CCDC102B: variants seen among roughly 807,000 people sequenced by gnomAD.
The protein encoded by CCDC102B is coiled-coil domain-containing protein 102B.
Under a neutral mutation model 57.4 loss-of-function variants are expected in CCDC102B, and 75 were observed. That is an observed-to-expected ratio of 1.31 (90% CI 1.08 to 1.58). CCDC102B has a LOEUF of 1.58. CCDC102B is among the 40% of genes most tolerant of loss of function. The pLI, the probability that CCDC102B is intolerant of heterozygous loss-of-function variation, is 0.00. For missense variants in CCDC102B, 636 were observed against 582.6 expected, an observed-to-expected ratio of 1.09 and a Z score of -0.94; for synonymous variants, 206 against 201.9, an observed-to-expected ratio of 1.02 and a Z score of -0.17.
chr18:68,981,172 T>C (rs1056197558), intron 6 of CCDC102B, among the ~76,000 whole-genome samples: 1 of 151,736 alleles, frequency 6.6e-6, no homozygotes, highest in Non-Finnish European at 1.5e-5. Context: ...AACTTACAGA[T>C]AGCAAACTAC....
upstream of CCDC102B, among the ~76,000 whole-genome samples, chr18:68,793,913 G>A (rs1233005248): frequency 6.6e-6 from 1 of 152,108 alleles, no homozygotes; most frequent in Non-Finnish European, 1.5e-5. Flanking sequence ...ATGTAACATT[G>A]GGTAAAGGTT....
At chr18:68,905,676 C>T (rs557912649) in intron 6 of CCDC102B, among the ~76,000 whole-genome samples, 5 of 151,904 alleles carry the variant, frequency 3.3e-5, no homozygotes, top group South Asian at 4.2e-4. Flanking sequence ...CCTCATTCCT[C>T]CCTCCCCTAA....
At chr18:68,852,456 T>G (rs1016811888) in intron 4 of CCDC102B, among the ~76,000 whole-genome samples, 5 of 152,154 alleles carry the variant, frequency 3.3e-5, no homozygotes, top group Non-Finnish European at 7.4e-5. Flanking sequence ...ATGCACAGCC[T>G]CTCATATACT....
At chr18:68,769,046 G>C (rs2034553581) in intron 2 of CCDC102B, among the ~76,000 whole-genome samples, 1 of 152,008 alleles carries the variant, frequency 6.6e-6, no homozygotes, top group Non-Finnish European at 1.5e-5. Context: ...CTGAGGTCAG[G>C]AGTTCAAGAC....
chr18:68,746,018 C>T (rs1468049397), intron 2 of CCDC102B, among the ~76,000 whole-genome samples: 3 of 152,184 alleles, frequency 2.0e-5, no homozygotes, highest in Non-Finnish European at 4.4e-5. Context: ...CTCATACACT[C>T]AGTCATACTA....
At chr18:68,833,194 A>G (rs1209525677) in intron 1 of CCDC102B, among the ~76,000 whole-genome samples, 1 of 152,082 alleles carries the variant, frequency 6.6e-6, no homozygotes, top group Non-Finnish European at 1.5e-5. Context: ...AACTGGGTTG[A>G]CCCCTTCTAA....
At position 68,715,238 on chromosome 18, in the gene CCDC102B, G is replaced by GC. The variant is rs199817898; in HGVS notation, c.-251dup. 9.8e-3 allele frequency: 13,179 copies of GC among 1,345,876 alleles called. 81 individuals carry two copies. Among genetic ancestry groups the GC allele is most frequent in the African/African-American group, 0.017 (1,117 of 65,326 alleles). The allele number at this position is 1,345,876 out of a possible 1,614,324, so 83.4% of individuals were successfully genotyped here. A position where few individuals can be genotyped will look rare whatever the true frequency, so the allele number is the denominator to read the frequency against. ...CTTAAGAATCCTTTGCGCTCTCGGT[G>GC]CCCCCCTCCACGCCCAGGAGCGTGG... On this transcript the variant is annotated 5_prime_UTR_variant, in exon 1 of 4. Coordinates refer to the CCDC102B transcript ENST00000578970.
chr18:69,024,643 A>G (rs1411213055), intron 7 of CCDC102B, among the ~76,000 whole-genome samples: 2 of 152,044 alleles, frequency 1.3e-5, no homozygotes, highest in Non-Finnish European at 2.9e-5. Context: ...TACGTGGGAT[A>G]AAAATGAGTA....
At chr18:68,808,707 T>A (rs938614083) in intron 1 of CCDC102B, among the ~76,000 whole-genome samples, 1 of 152,128 alleles carries the variant, frequency 6.6e-6, no homozygotes, top group Non-Finnish European at 1.5e-5. Context: ...CTCGATCTCC[T>A]GACCTCTTGA....
At chr18:68,779,755 G>A (rs1006003182) in intron 2 of CCDC102B, among the ~76,000 whole-genome samples, 2 of 152,004 alleles carry the variant, frequency 1.3e-5, no homozygotes, top group African/African-American at 4.8e-5. Flanking sequence ...TTCTACAGAG[G>A]CTTGCTATTG....
At chr18:68,846,964 A>G (rs1197822649) in intron 4 of CCDC102B, among the ~76,000 whole-genome samples, 1 of 151,728 alleles carries the variant, frequency 6.6e-6, no homozygotes, top group Non-Finnish European at 1.5e-5. Context: ...TTGCATTTTC[A>G]TCAATAAAAT....
At chr18:68,759,009 TA>T (rs556239422) in intron 2 of CCDC102B, among the ~76,000 whole-genome samples, 2 of 142,120 alleles carry the variant, frequency 1.4e-5, no homozygotes, top group East Asian at 4.1e-4. Flanking sequence ...CACCCCTACC[TA>T]AAAAAAACAA....
intron 2 of CCDC102B, among the ~76,000 whole-genome samples, chr18:68,789,018 A>T (rs2035324010): frequency 1.3e-5 from 2 of 152,140 alleles, no homozygotes; most frequent in Non-Finnish European, 2.9e-5. Context: ...CTTTTAGGGC[A>T]GGCCTGGTGT....
chr18:68,971,638 T>C (rs2145261007), intron 6 of CCDC102B, among the ~76,000 whole-genome samples: 1 of 152,280 alleles, frequency 6.6e-6, no homozygotes, highest in Admixed American at 6.5e-5. Context: ...CTATGGGATG[T>C]CTTTTAAATG....
intron 2 of CCDC102B, among the ~76,000 whole-genome samples, chr18:68,740,251 G>A (rs1250706640): frequency 6.6e-6 from 1 of 152,150 alleles, no homozygotes; most frequent in Non-Finnish European, 1.5e-5. Context: ...AGAACCACTT[G>A]TTATGTGATT....
intron 2 of CCDC102B, among the ~76,000 whole-genome samples, chr18:68,745,458 A>AT (rs2033577898): frequency 2.3e-4 from 2 of 8,694 alleles, no homozygotes; most frequent in East Asian, 0.011. Context: ...TTAAAAAATT[A>AT]ATTTTTTTAA....
At chr18:68,716,434 C>T (rs1364247543) in intron 1 of CCDC102B, 1 of 152,134 alleles carries the variant, frequency 6.6e-6, no homozygotes, top group Non-Finnish European at 1.5e-5. Context: ...CTGTGCTTTT[C>T]AGTAGTGTAG....
At chr18:69,040,387 T>G (rs1009997771) in intron 7 of CCDC102B, among the ~76,000 whole-genome samples, 12 of 5,598 alleles carry the variant, frequency 2.1e-3, no homozygotes, top group South Asian at 0.028. Flanking sequence ...GATGCAGGGG[T>G]GTGTGTGTGT....
chr18:68,721,960 C>T (rs2032353922), intron 2 of CCDC102B, among the ~76,000 whole-genome samples: 2 of 152,144 alleles, frequency 1.3e-5, no homozygotes, highest in Non-Finnish European at 2.9e-5. Context: ...GAGGTTATAA[C>T]CTGCTACAAC....
Sources: allele counts gnomAD v4.1 joint callset (sites outside exome capture counted in the v4.1 genomes callset), GRCh38; gene constraint gnomAD v4.1.1; transcripts MANE v1.5; gene names NCBI Gene and HGNC (gene_info 2026-07-23, HGNC 2026-07-21).